Variants in LGR4 observed in about 807,000 individuals in gnomAD.
The protein encoded by LGR4 is leucine rich repeat containing G protein-coupled receptor 4.
LGR4 carries 44 observed loss-of-function variants against 84.8 expected under a neutral mutation model. That is an observed-to-expected ratio of 0.52 (90% CI 0.41 to 0.67). The LOEUF is 0.67. LGR4 is among the 30% of genes least tolerant of loss of function. The pLI is 0.00. For missense variants in LGR4, 1,032 were observed against 1,131.4 expected, an observed-to-expected ratio of 0.91 and a Z score of 1.26; for synonymous variants, 429 against 434.3, an observed-to-expected ratio of 0.99 and a Z score of 0.15.
At chr11:27,435,090 C>T (rs1168764195) in intron 1 of LGR4, among the ~76,000 whole-genome samples, 5 of 152,116 alleles carry the variant, frequency 3.3e-5, no homozygotes, top group Non-Finnish European at 7.4e-5. Flanking sequence ...AATCCTAGCA[C>T]TTTGGGAGGC....
intron 12 of LGR4, 35 bp from the exon 13 acceptor site, chr11:27,376,405 CA>C: frequency 8.8e-7 from 1 of 1,138,530 alleles, no homozygotes; most frequent in Non-Finnish European, 1.3e-6. Flanking sequence ...AAGACGAAGA[CA>C]AAGACAAAGA....
chr11:27,410,896 G>A (rs1863697925), intron 2 of LGR4, among the ~76,000 whole-genome samples: 1 of 152,042 alleles, frequency 6.6e-6, no homozygotes. Context: ...TAAAAGTCCT[G>A]GTTGGCAGAA....
At chr11:27,428,503 C>G (rs1864063634) in intron 1 of LGR4, among the ~76,000 whole-genome samples, 1 of 152,194 alleles carries the variant, frequency 6.6e-6, no homozygotes, top group African/African-American at 2.4e-5. Flanking sequence ...CTCTACGTGC[C>G]TGGCATGCAT....
chr11:27,374,501 G>A (rs1862940633), intron 13 of LGR4, among the ~76,000 whole-genome samples: 1 of 151,958 alleles, frequency 6.6e-6, no homozygotes, highest in Non-Finnish European at 1.5e-5. Flanking sequence ...ATTCCAGGAG[G>A]GCTGCAGATA....
At chr11:27,414,396 T>TAA (rs372024424) in intron 1 of LGR4, among the ~76,000 whole-genome samples, 6 of 145,196 alleles carry the variant, frequency 4.1e-5, no homozygotes, top group Admixed American at 1.4e-4. Flanking sequence ...AACCGGGGTT[T>TAA]AAAAAAAAAA....
rs1862793315 is a variant in LGR4 at position 27,367,712 on chromosome 11, ATGAC to A, written c.*151_*154del. ...TAATTTAGGCACCTGTTCTTTGAAA[ATGAC>A]TGGTTTGAGAAATAAACTGCCACCT... On this transcript the variant is annotated 3_prime_UTR_variant, in exon 18 of 18. Coordinates refer to ENST00000379214, the MANE Select transcript of LGR4 (RefSeq NM_018490.5). 1 of 558,218 alleles carries A rather than the reference ATGAC, an allele frequency of 1.8e-6. No homozygotes were observed. Among genetic ancestry groups the A allele is most frequent in the African/African-American group, 1.9e-5 (1 of 53,546 alleles). The allele number at this position is 558,218 out of a possible 1,614,324, so 34.6% of individuals were successfully genotyped here. A position where few individuals can be genotyped will look rare whatever the true frequency, so the allele number is the denominator to read the frequency against.
intron 16 of LGR4, among the ~76,000 whole-genome samples, 169 bp from the exon 17 acceptor site, chr11:27,371,867 G>A (rs1192368798): frequency 6.6e-6 from 1 of 151,850 alleles, no homozygotes; most frequent in Admixed American, 6.6e-5. Context: ...TTTTGGTTTT[G>A]GTTTTTTTTA....
Position 27,374,045 on chromosome 11 carries a change from C to G in LGR4, c.1183G>C (p.Asp395His), listed in dbSNP as rs1279376863. Reference sequence around the variant, plus strand: ...TCATGTATCAGGTTTCTACTCAGATCTCTGCAATTATAAGAGTAACATGTT... The same window carrying G: ...TCATGTATCAGGTTTCTACTCAGATGTCTGCAATTATAAGAGTAACATGTT... ...FQGLISLRIL[D>H]LSRNLIHEIH... Residue 395 changes from aspartate (D) to histidine (H), a missense_variant and splice_region_variant, in exon 14 of 18, where the codon GAT becomes CAT. Transcript: ENST00000379214. 2 of 1,604,300 alleles carry G rather than the reference C, an allele frequency of 1.2e-6. No homozygotes were observed. The highest frequency in any genetic ancestry group is 1.7e-6 in the Non-Finnish European group (2 of 1,171,402).
At chr11:27,443,594 G>A (rs1044330662) in intron 1 of LGR4, among the ~76,000 whole-genome samples, 1 of 152,110 alleles carries the variant, frequency 6.6e-6, no homozygotes, top group Non-Finnish European at 1.5e-5. Context: ...CATACGCAAG[G>A]AGCTGTTAAA....
chr11:27,374,566 G>A (rs1337902289), intron 13 of LGR4, among the ~76,000 whole-genome samples: 6 of 152,076 alleles, frequency 3.9e-5, no homozygotes, highest in East Asian at 3.9e-4. Context: ...AGCCAGCTCC[G>A]TATTCAGGAA....
intron 1 of LGR4, among the ~76,000 whole-genome samples, chr11:27,420,224 T>C (rs1348411478): frequency 6.6e-6 from 1 of 152,208 alleles, no homozygotes; most frequent in Non-Finnish European, 1.5e-5. Flanking sequence ...AAAATTCTGA[T>C]GCATAGCTCT....
At chr11:27,398,307 A>G (rs1026967022) in intron 2 of LGR4, among the ~76,000 whole-genome samples, 1 of 152,204 alleles carries the variant, frequency 6.6e-6, no homozygotes, top group Non-Finnish European at 1.5e-5. Flanking sequence ...CCTTCATGAA[A>G]TGCACTGAGC....
chr11:27,404,436 G>A lies in LGR4; in HGVS notation c.257+8353C>T, dbSNP rs947214849. ...TATCTAAGCCCAACTGAGGGCTTAC[G>A]ATTCTTCAATAATACTTTGTTCATT... On this transcript the variant is annotated intron_variant, in intron 2 of 17. Transcript: ENST00000379214. 2.0e-4 allele frequency among the ~76,000 whole-genome samples: 31 copies of A among 152,136 alleles called. 1 individual carries two copies. Among genetic ancestry groups the A allele is most frequent in the Admixed American group, 1.1e-3 (17 of 15,270 alleles).
chr11:27,368,392 G>C lies in LGR4; in HGVS notation c.2331C>G (p.Ile777Met). 6.2e-7 allele frequency: 1 copy of C among 1,613,910 alleles called. No homozygotes were observed. The highest frequency in any genetic ancestry group is 8.5e-7 in the Non-Finnish European group (1 of 1,179,944). ...TAACAGACTTCATTATTTCGGGGCT[G>C]ATAGAGATTGCAGTGATCAATGGTG... ...SFAPLITAIS[I>M]SPEIMKSVTL... The change falls in exon 18 of 18, where the codon ATC becomes ATG. Residue 777 changes from isoleucine (I) to methionine (M), a missense_variant. By Grantham distance (10) the Ile-to-Met change is conservative. Transcript: ENST00000379214.
intron 2 of LGR4, among the ~76,000 whole-genome samples, chr11:27,393,339 A>T (rs752924239): frequency 3.3e-5 from 5 of 152,136 alleles, no homozygotes; most frequent in African/African-American, 4.8e-5. Context: ...ATGTGTACTC[A>T]AAAATGATGA....
intron 1 of LGR4, among the ~76,000 whole-genome samples, chr11:27,426,790 G>A (rs1203697082): frequency 2.6e-5 from 4 of 152,184 alleles, no homozygotes; most frequent in Non-Finnish European, 5.9e-5. Flanking sequence ...ATTCATTAAA[G>A]TATCAAGATC....
intron 1 of LGR4, among the ~76,000 whole-genome samples, chr11:27,427,751 G>C (rs1461079489): frequency 6.6e-6 from 1 of 152,152 alleles, no homozygotes; most frequent in Non-Finnish European, 1.5e-5. Flanking sequence ...TGATTGCTAT[G>C]ACTATTCCAA....
chr11:27,409,613 T>C (rs994926512), intron 2 of LGR4, among the ~76,000 whole-genome samples: 10 of 152,140 alleles, frequency 6.6e-5, no homozygotes, highest in Admixed American at 5.9e-4. Flanking sequence ...AGAACAAGTC[T>C]AAATTTCTTA....
At position 27,378,710 on chromosome 11, in the gene LGR4, T is replaced by G; in HGVS notation, c.1030A>C (p.Met344Leu). 1 of 1,609,122 alleles carries G rather than the reference T, an allele frequency of 6.2e-7. No homozygotes were observed. Among genetic ancestry groups the G allele is most frequent in the Non-Finnish European group, 8.5e-7 (1 of 1,176,060 alleles). The stretch of plus-strand genomic sequence containing the variant: ...AATCCAACTTACAAAGTCCTAAGCA[T>G]CTTTTGTTCTTGACACAAATTATTA... ...IPNNLCQEQKMLRTLDLSYNN... is the reference protein window; with the variant it reads ...IPNNLCQEQKLLRTLDLSYNN... Residue 344 changes from methionine to leucine, a missense_variant, in exon 11 of 18, where the codon ATG becomes CTG. By Grantham distance (15) the Met-to-Leu change is conservative. Transcript: ENST00000379214.
Sources: allele counts gnomAD v4.1 joint callset (sites outside exome capture counted in the v4.1 genomes callset), GRCh38; gene constraint gnomAD v4.1.1; transcripts MANE v1.5; gene names NCBI Gene and HGNC (gene_info 2026-07-23, HGNC 2026-07-21).